The following ATP10A variants were observed in gnomAD, a reference collection of about 807,000 sequenced individuals.
The protein encoded by ATP10A is ATPase phospholipid transporting 10A (putative), also known as phospholipid-transporting ATPase VA.
Under a neutral mutation model 147.8 loss-of-function variants are expected in ATP10A, and 111 were observed. The ratio of observed to expected loss-of-function variants is 0.75; its 90% CI spans 0.64 to 0.88. ATP10A has a LOEUF of 0.88. Among genes scored for constraint, ATP10A ranks in the 40% least tolerant of loss-of-function variants. The pLI is 0.00. For synonymous variants in ATP10A, 875 were observed against 841.6 expected, an observed-to-expected ratio of 1.04 and a Z score of -0.69; for missense variants, 1,927 against 1,959.0, an observed-to-expected ratio of 0.98 and a Z score of 0.31.
At chr15:25,698,968 A>G (rs1567310078) in intron 13 of ATP10A, among the ~76,000 whole-genome samples, 1 of 152,340 alleles carries the variant, frequency 6.6e-6, no homozygotes, top group East Asian at 1.9e-4. Context: ...ATGTAGAGAT[A>G]TACCATGTTT....
In ATP10A at chr15:25,737,549, G is replaced by T. The variant is rs966048260; in HGVS notation, c.655-1408C>A. ...AACAATCCCATGCCCTGGGGAGTGT[G>T]CGCAGGGGAGGTCCCAGGCACGGGA... On this transcript the variant is annotated intron_variant, in intron 2 of 20. Coordinates refer to ENST00000555815, the MANE Select transcript of ATP10A (RefSeq NM_024490.4). Among the ~76,000 whole-genome samples, 3 of 152,146 alleles carry T rather than the reference G, an allele frequency of 2.0e-5. No individual in the cohort carries two copies. In the South Asian group the frequency reaches 6.2e-4, roughly 31 times the overall value.
At chr15:25,806,722 G>T (rs1374953450) in intron 1 of ATP10A, among the ~76,000 whole-genome samples, 2 of 152,150 alleles carry the variant, frequency 1.3e-5, no homozygotes, top group East Asian at 1.9e-4. Flanking sequence ...TATGTGATTG[G>T]TAATGCTTCC....
intron 2 of ATP10A, among the ~76,000 whole-genome samples, chr15:25,766,350 C>T (rs1426797170): frequency 6.6e-6 from 1 of 152,142 alleles, no homozygotes; most frequent in Non-Finnish European, 1.5e-5. Flanking sequence ...GGATTACAAG[C>T]TAGCAAATGT....
chr15:25,732,558 C>CTTTTT lies in ATP10A; in HGVS notation c.740+3493_740+3497dup, dbSNP rs36120691. ...GTGAGCATTTCACATGCGACACCTT[C>CTTTTT]TTTTTTTTTTTTTTTGAGATGGAGT... On this transcript the variant is annotated intron_variant, in intron 3 of 20. Transcript: ENST00000555815. Among the ~76,000 whole-genome samples, 635 of 84,118 alleles carry CTTTTT rather than the reference C, an allele frequency of 7.5e-3. 60 individuals carry two copies. The highest frequency in any genetic ancestry group is 0.027 in the African/African-American group (586 of 21,738). 55.2% of individuals were successfully genotyped at this position (84,118 alleles called of 152,430 possible). A position where few individuals can be genotyped will look rare whatever the true frequency, so the allele number is the denominator to read the frequency against.
chr15:25,732,825 G>A (rs543648351), intron 3 of ATP10A, among the ~76,000 whole-genome samples: 18 of 152,020 alleles, frequency 1.2e-4, no homozygotes, highest in African/African-American at 4.1e-4. Context: ...AAAGTGCTGG[G>A]ATTACAGGTG....
intron 1 of ATP10A, among the ~76,000 whole-genome samples, chr15:25,795,224 C>T (rs760164249): frequency 5.9e-5 from 9 of 152,172 alleles, no homozygotes; most frequent in Non-Finnish European, 1.0e-4. Context: ...GCCAGGGCAT[C>T]CCCACCTTCT....
intron 1 of ATP10A, among the ~76,000 whole-genome samples, chr15:25,786,220 C>T (rs1304702991): frequency 6.6e-6 from 1 of 152,134 alleles, no homozygotes; most frequent in Non-Finnish European, 1.5e-5. Context: ...ACACAGGGCC[C>T]GGAGGACACA....
chr15:25,769,419 G>A (rs551845903), intron 2 of ATP10A, among the ~76,000 whole-genome samples: 8 of 150,458 alleles, frequency 5.3e-5, no homozygotes, highest in Admixed American at 1.3e-4. Flanking sequence ...CTGGGGGGGC[G>A]GAGGTTACAG....
intron 1 of ATP10A, among the ~76,000 whole-genome samples, chr15:25,804,946 T>C (rs1449788453): frequency 1.3e-5 from 2 of 152,200 alleles, no homozygotes; most frequent in East Asian, 1.9e-4. Flanking sequence ...TAATAAAGCC[T>C]GGGTAGGTGG....
At chr15:25,840,275 C>T (rs1892758453) in intron 1 of ATP10A, among the ~76,000 whole-genome samples, 1 of 152,074 alleles carries the variant, frequency 6.6e-6, no homozygotes, top group Non-Finnish European at 1.5e-5. Context: ...GGTTTGTGTA[C>T]AGATTATTTC....
intron 10 of ATP10A, among the ~76,000 whole-genome samples, chr15:25,712,618 AT>A (rs1211017832): frequency 6.6e-6 from 1 of 152,152 alleles, no homozygotes; most frequent in Non-Finnish European, 1.5e-5. Context: ...ACAAGAATCG[AT>A]TTTCAGAAGA....
intron 2 of ATP10A, among the ~76,000 whole-genome samples, chr15:25,772,977 A>T (rs1889415449): frequency 6.6e-6 from 1 of 152,192 alleles, no homozygotes; most frequent in Non-Finnish European, 1.5e-5. Flanking sequence ...TGGCACACGG[A>T]TTATTCATTA....
rs142273105 is a variant in ATP10A at position 25,711,266 on chromosome 15, G to C, written c.2344+2408C>G. Among the ~76,000 whole-genome samples the C allele has an allele frequency of 1.2e-4, 18 of 152,216 alleles. No individual in the cohort carries two copies. In the East Asian group the frequency reaches 3.5e-3, roughly 29 times the overall value. Reference sequence around the variant, plus strand: ...CCCTCTGAAGAGGGCATCAGATTAAGTCTGGAGTGGGACACCTCTGTGCCC... The same window carrying C: ...CCCTCTGAAGAGGGCATCAGATTAACTCTGGAGTGGGACACCTCTGTGCCC... On this transcript the variant is annotated intron_variant, in intron 10 of 20. Transcript: ENST00000555815.
intron 15 of ATP10A, among the ~76,000 whole-genome samples, chr15:25,688,628 C>A (rs1899833608): frequency 6.6e-6 from 1 of 152,170 alleles, no homozygotes; most frequent in East Asian, 1.9e-4. Flanking sequence ...TAGATTTCTG[C>A]TTATCAACAG....
intron 1 of ATP10A, among the ~76,000 whole-genome samples, chr15:25,812,529 TG>T (rs1219675717): frequency 6.6e-6 from 1 of 152,230 alleles, no homozygotes; most frequent in Non-Finnish European, 1.5e-5. Flanking sequence ...GTTCCTGAGC[TG>T]GTAAGAATGC....
intron 2 of ATP10A, among the ~76,000 whole-genome samples, chr15:25,778,819 G>A (rs928197066): frequency 2.5e-4 from 38 of 152,126 alleles, no homozygotes; most frequent in Non-Finnish European, 3.1e-4. Flanking sequence ...GGGCGGGAGA[G>A]GACTGTAGAT....
At chr15:25,850,540 A>G (rs1184226563) in intron 1 of ATP10A, among the ~76,000 whole-genome samples, 1 of 152,196 alleles carries the variant, frequency 6.6e-6, no homozygotes, top group African/African-American at 2.4e-5. Context: ...AGGCGAGGCG[A>G]GTCCCCAGGC....
At chr15:25,700,143 A>G (rs1900580022) in intron 13 of ATP10A, among the ~76,000 whole-genome samples, 2 of 152,360 alleles carry the variant, frequency 1.3e-5, no homozygotes, top group South Asian at 2.1e-4. Flanking sequence ...GTTCAACTTC[A>G]TTAGACACTA....
chr15:25,747,132 C>T (rs1019625375), intron 2 of ATP10A, among the ~76,000 whole-genome samples: 3 of 151,900 alleles, frequency 2.0e-5, no homozygotes, highest in Non-Finnish European at 4.4e-5. Context: ...ACTATAACTA[C>T]AAAACATTAG....
Sources: gnomAD v4.1 joint callset for allele counts (sites outside exome capture counted in the v4.1 genomes callset) on GRCh38, gnomAD v4.1.1 for gene constraint, MANE v1.5 for transcripts, NCBI Gene and HGNC (gene_info 2026-07-23, HGNC 2026-07-21) for gene names.